The following IPO11 variants were observed in gnomAD, a reference collection of about 807,000 sequenced individuals.
IPO11 encodes the protein importin-11.
A neutral mutation model predicts 143.2 loss-of-function variants in IPO11; 66 were observed. That is an observed-to-expected ratio of 0.46 (90% CI 0.38 to 0.57). The LOEUF (loss-of-function observed/expected upper bound fraction) is 0.57. IPO11 is among the 20% of genes least tolerant of loss of function. The pLI is 0.00. For missense variants in IPO11, 1,026 were observed against 1,141.0 expected (o/e 0.90, Z 1.45); for synonymous variants, 385 against 377.8 (o/e 1.02, Z -0.22).
intron 28 of IPO11, among the ~76,000 whole-genome samples, chr5:62,598,025 C>A (rs1317114867): frequency 6.6e-6 from 1 of 152,156 alleles, no homozygotes; most frequent in Non-Finnish European, 1.5e-5. Context: ...ATGACAATGC[C>A]ACTGACAGAT....
intron 20 of IPO11, among the ~76,000 whole-genome samples, chr5:62,520,526 C>A (rs1171830634): frequency 6.6e-6 from 1 of 152,150 alleles, no homozygotes; most frequent in African/African-American, 2.4e-5. Flanking sequence ...CTCCCCACTC[C>A]CCTGACCCCA....
chr5:62,599,776 T>C (rs1328531195), intron 28 of IPO11, among the ~76,000 whole-genome samples: 3 of 152,206 alleles, frequency 2.0e-5, no homozygotes, highest in Non-Finnish European at 4.4e-5. Flanking sequence ...AGTATAACTA[T>C]TACTGCATGC....
At chr5:62,583,498 A>G (rs1364630792) in intron 27 of IPO11, among the ~76,000 whole-genome samples, 2 of 152,232 alleles carry the variant, frequency 1.3e-5, no homozygotes, top group Admixed American at 6.5e-5. Flanking sequence ...AGACTCAACT[A>G]GAAAACCAAT....
At chr5:62,443,961 G>A (rs115371499) in intron 3 of IPO11, among the ~76,000 whole-genome samples, 186 of 152,246 alleles carry the variant, frequency 1.2e-3, no homozygotes, top group African/African-American at 4.4e-3. Flanking sequence ...CTTAAAAGCC[G>A]TAAGACCTTT....
intron 18 of IPO11, among the ~76,000 whole-genome samples, chr5:62,505,755 A>T (rs1741534230): frequency 6.6e-6 from 1 of 152,074 alleles, no homozygotes; most frequent in Non-Finnish European, 1.5e-5. Context: ...AACAAATTAT[A>T]TCTATAAAAA....
rs540781716 is a variant in IPO11 at position 62,429,882 on chromosome 5, C to T, written c.-6-7392C>T. Among the ~76,000 whole-genome samples, 6 of 152,158 alleles carry T rather than the reference C, an allele frequency of 3.9e-5. No individual in the cohort carries two copies. The South Asian group carries it at 6.2e-4, about 16-fold the overall frequency. On this transcript the variant is annotated intron_variant, in intron 1 of 29. Transcript: ENST00000325324. ...TTGTGATCCTCCTGCCTCAGCCTCC[C>T]GAAGTACTGGGATTACAGGAATGAG...
chr5:62,531,999 A>G (rs1054140882), intron 22 of IPO11, among the ~76,000 whole-genome samples: 3 of 152,204 alleles, frequency 2.0e-5, no homozygotes, highest in Admixed American at 2.0e-4. Context: ...CTTGGAGACT[A>G]CATACCATGC....
intron 27 of IPO11, among the ~76,000 whole-genome samples, chr5:62,572,945 C>T (rs548599351): frequency 2.6e-4 from 40 of 152,248 alleles, no homozygotes; most frequent in South Asian, 1.7e-3. Context: ...TTTTTTGTTT[C>T]ATTTTCTCAA....
chr5:62,530,634 T>A (rs1177337904), intron 21 of IPO11, 75 bp from the exon 22 acceptor site: 1 of 846,522 alleles, frequency 1.2e-6, no homozygotes, highest in East Asian at 2.5e-5. Flanking sequence ...TGAGACCTTT[T>A]AAAATATTTA....
In IPO11 at chr5:62,580,411, G is replaced by T; in HGVS notation, c.2583-11166G>T. On this transcript the variant is annotated intron_variant, in intron 27 of 29. Transcript: ENST00000325324. The stretch of plus-strand genomic sequence containing the variant: ...TAATGATACATTTGAAAATATGGGA[G>T]CATCTTTGAAGATCCTTAATCTGTC... 2 of 1,551,140 alleles carry T rather than the reference G, an allele frequency of 1.3e-6. No individual in the cohort carries two copies. Among genetic ancestry groups the T allele is most frequent in the Non-Finnish European group, 1.7e-6 (2 of 1,146,570 alleles).
At chr5:62,450,028 T>C (rs775658488) in intron 4 of IPO11, 29 bp downstream of exon 4, 7 of 1,469,298 alleles carry the variant, frequency 4.8e-6, no homozygotes, top group Non-Finnish European at 6.5e-6. Flanking sequence ...CTAATTTTTC[T>C]TTTTATTTGT....
chr5:62,487,416 A>G (rs987969443), intron 12 of IPO11, among the ~76,000 whole-genome samples: 3 of 152,116 alleles, frequency 2.0e-5, no homozygotes, highest in African/African-American at 7.2e-5. Flanking sequence ...AATCTTGGGT[A>G]GTCAGCCATT....
chr5:62,590,984 G>T (rs1477260050), intron 27 of IPO11, among the ~76,000 whole-genome samples: 1 of 152,118 alleles, frequency 6.6e-6, no homozygotes, highest in African/African-American at 2.4e-5. Flanking sequence ...AGCAGTGGCT[G>T]TTCCCAAGTG....
chr5:62,455,873 C>T (rs555266452), intron 5 of IPO11, among the ~76,000 whole-genome samples: 53 of 151,988 alleles, frequency 3.5e-4, no homozygotes, highest in Middle Eastern at 3.4e-3. Flanking sequence ...TACAGACATG[C>T]GCCACCATGC....
chr5:62,422,040 G>C (rs905963620), intron 1 of IPO11, among the ~76,000 whole-genome samples: 1 of 152,146 alleles, frequency 6.6e-6, no homozygotes, highest in African/African-American at 2.4e-5. Context: ...ATTTAATCTA[G>C]GCTGTGTTGT....
chr5:62,590,157 C>T (rs1459516274), intron 27 of IPO11, among the ~76,000 whole-genome samples: 1 of 152,206 alleles, frequency 6.6e-6, no homozygotes, highest in Non-Finnish European at 1.5e-5. Flanking sequence ...AAGTTTGTTC[C>T]TTGCTCAGGG....
At chr5:62,533,275 A>C (rs1235397402) in intron 22 of IPO11, among the ~76,000 whole-genome samples, 2 of 149,902 alleles carry the variant, frequency 1.3e-5, no homozygotes, top group East Asian at 2.0e-4. Flanking sequence ...GCAATGGTGC[A>C]ATCTTGGCTC....
Position 62,515,420 on chromosome 5 carries a change from T to C in IPO11, c.1815T>C (p.Tyr605=). 6.2e-7 allele frequency: 1 copy of C among 1,611,012 alleles called. No individual in the cohort carries two copies. Among genetic ancestry groups the C allele is most frequent in the South Asian group, 1.1e-5 (1 of 90,258 alleles). The change falls in exon 20 of 30, where the codon TAT becomes TAC. Residue 605 remains tyrosine (Y), a synonymous_variant. Coordinates refer to ENST00000325324, the MANE Select transcript of IPO11 (RefSeq NM_016338.5). The part of the protein sequence containing the change: ...IRPYVGCLVQ[Y]LPLLWKQSEE... The stretch of plus-strand genomic sequence containing the variant: ...CATATGTGGGATGTTTGGTACAATA[T>C]TTGCCCCTCCTTTGGAAGCAGAGTG...
At chr5:62,514,760 T>C (rs2112284397) in intron 19 of IPO11, among the ~76,000 whole-genome samples, 1 of 152,354 alleles carries the variant, frequency 6.6e-6, no homozygotes, top group East Asian at 1.9e-4. Flanking sequence ...CCATTTTATT[T>C]TTCAAGAAAC....
Sources: allele counts gnomAD v4.1 joint callset (sites outside exome capture counted in the v4.1 genomes callset), GRCh38; gene constraint gnomAD v4.1.1; transcripts MANE v1.5; gene names NCBI Gene and HGNC (gene_info 2026-07-23, HGNC 2026-07-21).